OR56B2: variants seen among roughly 807,000 people sequenced by gnomAD.
OR56B2 encodes olfactory receptor family 56 subfamily B member 2.
At chr11:5,765,999 A>C in the OR56B2 span, 4 of 140,532 alleles carry the variant, frequency 2.8e-5, no homozygotes, top group Admixed American at 1.5e-4. Context: ...ATATGCACTC[A>C]AGAACAAGGA....
At chr11:5,763,744 GTGTCTGTCTC>G in the OR56B2 span, among the ~76,000 whole-genome samples, 1 of 140,316 alleles carries the variant, frequency 7.1e-6, no homozygotes, top group African/African-American at 2.6e-5. Context: ...TGCTTATTAA[GTGTCTGTCTC>G]TTGGGGAAAA....
the OR56B2 span, among the ~76,000 whole-genome samples, chr11:5,764,935 T>G: frequency 7.1e-6 from 1 of 140,344 alleles, no homozygotes; most frequent in South Asian, 2.3e-4. Flanking sequence ...TCACAGAGAA[T>G]GTACCTAATA....
the OR56B2 span, among the ~76,000 whole-genome samples, chr11:5,762,728 A>G: frequency 2.0e-5 from 3 of 150,218 alleles, no homozygotes; most frequent in Non-Finnish European, 4.5e-5. Context: ...CTGTACATTT[A>G]TGTATTAATA....
chr11:5,764,244 A>T, the OR56B2 span, among the ~76,000 whole-genome samples: 7 of 141,384 alleles, frequency 5.0e-5, 1 homozygote, highest in South Asian at 1.6e-3. Context: ...ATTAGATATT[A>T]GGAGGCCTTA....
At chr11:5,762,445 T>A in the OR56B2 span, among the ~76,000 whole-genome samples, 5 of 152,094 alleles carry the variant, frequency 3.3e-5, no homozygotes, top group African/African-American at 1.2e-4. Flanking sequence ...TTTATGATAT[T>A]CTTTGTTACT....
chr11:5,767,060 A>T, the OR56B2 span: 2 of 139,996 alleles, frequency 1.4e-5, 1 homozygote, highest in East Asian at 4.1e-4. Context: ...TTTAGCTCAT[A>T]GTTCTGCAGG....
chr11:5,762,024 C>T, the OR56B2 span, among the ~76,000 whole-genome samples: 1 of 152,084 alleles, frequency 6.6e-6, no homozygotes, highest in Non-Finnish European at 1.5e-5. Flanking sequence ...CAGAGTCTCA[C>T]ATACACCTGC....
At chr11:5,768,956 AG>A in the OR56B2 span, among the ~76,000 whole-genome samples, 1 of 139,412 alleles carries the variant, frequency 7.2e-6, no homozygotes, top group Non-Finnish European at 1.6e-5. Context: ...TAAAAGAAAA[AG>A]TATCAGAAGT....
chr11:5,766,065 G>GA, the OR56B2 span: 1 of 140,442 alleles, frequency 7.1e-6, no homozygotes, highest in East Asian at 2.1e-4. Context: ...ACCTGATATG[G>GA]AAAAGATATT....
At chr11:5,768,338 T>C in the OR56B2 span, among the ~76,000 whole-genome samples, 3 of 140,038 alleles carry the variant, frequency 2.1e-5, no homozygotes, top group Non-Finnish European at 4.8e-5. Context: ...TTTCTGTTTC[T>C]GAGATATTTC....
chr11:5,765,001 G>T, the OR56B2 span: 1 of 140,270 alleles, frequency 7.1e-6, no homozygotes, highest in African/African-American at 2.6e-5. Context: ...GATTAACGAG[G>T]CTGAGTCACA....
chr11:5,765,312 A>G, the OR56B2 span: 4 of 142,176 alleles, frequency 2.8e-5, no homozygotes, highest in African/African-American at 1.0e-4. Context: ...TTTCCTGGGC[A>G]TCTTGGCTAT....
the OR56B2 span, among the ~76,000 whole-genome samples, chr11:5,761,772 C>A: frequency 1.3e-5 from 2 of 151,986 alleles, no homozygotes; most frequent in East Asian, 3.9e-4. Flanking sequence ...ATTAATTATC[C>A]CATCTTGCAA....
At chr11:5,766,370 G>A in the OR56B2 span, 4 of 140,724 alleles carry the variant, frequency 2.8e-5, 1 homozygote, top group African/African-American at 5.2e-5. Flanking sequence ...AATAGAAGTA[G>A]TTAGAGCAGA....
At chr11:5,768,801 C>G in the OR56B2 span, among the ~76,000 whole-genome samples, 3 of 139,794 alleles carry the variant, frequency 2.1e-5, 1 homozygote, top group Non-Finnish European at 3.2e-5. Flanking sequence ...GTGTAAAACA[C>G]ATAATGTGCC....
the OR56B2 span, chr11:5,765,658 C>G: frequency 2.1e-5 from 3 of 140,694 alleles, 1 homozygote; most frequent in Non-Finnish European, 4.7e-5. Context: ...TGTCTTTGTT[C>G]TAACCTTGGA....
the OR56B2 span, chr11:5,765,140 C>A: frequency 6.4e-6 from 1 of 156,014 alleles, no homozygotes; most frequent in South Asian, 1.9e-4. Flanking sequence ...GCTCTAAGTT[C>A]CAGGTCTCTG....
the OR56B2 span, among the ~76,000 whole-genome samples, chr11:5,762,830 C>G: frequency 6.6e-5 from 10 of 151,932 alleles, no homozygotes; most frequent in Non-Finnish European, 1.3e-4. Flanking sequence ...TTTAAATATA[C>G]TTTACCATAA....
At chr11:5,764,645 T>C in the OR56B2 span, among the ~76,000 whole-genome samples, 1 of 139,748 alleles carries the variant, frequency 7.2e-6, no homozygotes, top group African/African-American at 2.6e-5. Flanking sequence ...TTCTATATAC[T>C]CTATCATCAA....
Sources: gnomAD v4.1 joint callset for allele counts (sites outside exome capture counted in the v4.1 genomes callset) on GRCh38, gnomAD v4.1.1 for gene constraint, MANE v1.5 for transcripts, NCBI Gene and HGNC (gene_info 2026-07-23, HGNC 2026-07-21) for gene names.